Variants in PHLPP2 observed in about 807,000 individuals in gnomAD.
PHLPP2 encodes PH domain and leucine rich repeat protein phosphatase 2.
In PHLPP2, 66 loss-of-function variants were observed where a neutral mutation model predicts 124.9. That is an observed-to-expected ratio of 0.53 (90% CI 0.43 to 0.65). The LOEUF is 0.65. PHLPP2 is among the 30% of genes least tolerant of loss of function. The pLI, the probability that PHLPP2 is intolerant of heterozygous loss-of-function variation, is 0.00. For synonymous variants in PHLPP2, 681 were observed against 624.7 expected (o/e 1.09, Z -1.34); for missense variants, 1,685 against 1,600.4 (o/e 1.05, Z -0.90).
intron 17 of PHLPP2, among the ~76,000 whole-genome samples, chr16:71,653,557 C>CG: frequency 6.6e-6 from 1 of 152,294 alleles, no homozygotes; most frequent in Middle Eastern, 3.4e-3. Flanking sequence ...GGCATCCACG[C>CG]GTCTGTACTT....
intron 13 of PHLPP2, among the ~76,000 whole-genome samples, chr16:71,662,791 G>C (rs1212497234): frequency 6.6e-6 from 1 of 151,802 alleles, no homozygotes; most frequent in East Asian, 2.0e-4. Flanking sequence ...GAGAGGCTGA[G>C]GTAGGAGAAT....
chr16:71,714,535 T>C lies in PHLPP2; in HGVS notation c.261A>G (p.Leu87=). ...CAGEGRESLY[L]QLHGDLVRRL... is the part of the protein sequence containing the mutation. ...ACCTGACCAGGTCTCCATGAAGCTGTAAATAAAGACTTTCTCTTCCCTCTC... is the reference window on the plus strand; with the variant it reads ...ACCTGACCAGGTCTCCATGAAGCTGCAAATAAAGACTTTCTCTTCCCTCTC... The change falls in exon 2 of 19, where the codon TTA becomes TTG. Residue 87 remains leucine (L), a synonymous_variant. Coordinates refer to ENST00000568954, the MANE Select transcript of PHLPP2 (RefSeq NM_015020.3). 1 of 1,612,432 alleles carries C rather than the reference T, an allele frequency of 6.2e-7. No homozygotes were observed. The highest frequency in any genetic ancestry group is 2.2e-5 in the East Asian group (1 of 44,856).
At chr16:71,722,839 T>G (rs567602896) in intron 1 of PHLPP2, among the ~76,000 whole-genome samples, 1 of 152,122 alleles carries the variant, frequency 6.6e-6, no homozygotes, top group South Asian at 2.1e-4. Context: ...CAAATGCTAG[T>G]AAAAAACTCC....
intron 13 of PHLPP2, among the ~76,000 whole-genome samples, chr16:71,662,936 T>C (rs532092676): frequency 6.6e-6 from 1 of 152,258 alleles, no homozygotes; most frequent in Admixed American, 6.5e-5. Context: ...TGACACTGTC[T>C]CAAACTTTCA....
At chr16:71,705,734 AC>A (rs1193717220) in intron 2 of PHLPP2, among the ~76,000 whole-genome samples, 1 of 151,664 alleles carries the variant, frequency 6.6e-6, no homozygotes, top group African/African-American at 2.4e-5. Flanking sequence ...CTGCTCTCAA[AC>A]CCCTGACCTC....
intron 1 of PHLPP2, among the ~76,000 whole-genome samples, chr16:71,717,921 T>C (rs886511334): frequency 2.1e-4 from 32 of 152,292 alleles, no homozygotes; most frequent in African/African-American, 7.0e-4. Flanking sequence ...AGACACGATC[T>C]CGCTCTGTCA....
At chr16:71,686,388 G>A (rs1213599417) in intron 4 of PHLPP2, among the ~76,000 whole-genome samples, 1 of 151,968 alleles carries the variant, frequency 6.6e-6, no homozygotes, top group Non-Finnish European at 1.5e-5. Flanking sequence ...TGCCCAGGCT[G>A]GTCTTGAACT....
At chr16:71,698,874 T>A (rs1479620209) in intron 3 of PHLPP2, among the ~76,000 whole-genome samples, 1 of 152,210 alleles carries the variant, frequency 6.6e-6, no homozygotes, top group Non-Finnish European at 1.5e-5. Context: ...GGCATTTGCA[T>A]AATGGCTGAC....
chr16:71,654,641 C>T (rs72799868), intron 17 of PHLPP2, among the ~76,000 whole-genome samples: 15,504 of 152,164 alleles, frequency 0.1, 1,181 homozygotes, highest in South Asian at 0.37. Context: ...GCACACTTAA[C>T]GTAGGCTAGG....
rs371346085 is a variant in PHLPP2 at position 71,684,585 on chromosome 16, C to A, written c.626G>T (p.Arg209Leu). The A allele has an allele frequency of 6.2e-7, 1 of 1,612,630 alleles. No homozygotes were observed. The highest frequency in any genetic ancestry group is 1.3e-5 in the African/African-American group (1 of 74,764). Reference protein sequence around the residue: ...LVGGKIEEVKRRQYSLAFSSA... With the variant: ...LVGGKIEEVKLRQYSLAFSSA... ...GCTGAAAGCAAGGGAGTATTGCCGT[C>A]GCTTCACTTCTTCTATCTGAAGAAG... Residue 209 changes from arginine to leucine, a missense_variant, in exon 5 of 19, where the codon CGA becomes CTA. Coordinates refer to ENST00000568954, the MANE Select transcript of PHLPP2 (RefSeq NM_015020.3).
chr16:71,648,934 C>T lies in PHLPP2; in HGVS notation c.3928G>A (p.Glu1310Lys). ...TCCTCCGGGGGCTCGGTCCGATCCT[C>T]TTCATGGGGCTCAGGCTCGAGCCGG... ...DSRLEPEPHE[E>K]DRTEPPEEFD... is the part of the protein sequence containing the mutation. The change falls in exon 19 of 19, where the codon GAG (glutamate) becomes AAG (lysine). Residue 1310 changes from glutamate (E) to lysine (K), a missense_variant. Physicochemically the swap from Glu to Lys is moderately conservative, Grantham distance 56. Coordinates refer to ENST00000568954, the MANE Select transcript of PHLPP2 (RefSeq NM_015020.3). 1 of 1,613,480 alleles carries T rather than the reference C, an allele frequency of 6.2e-7. No homozygotes were observed. Among genetic ancestry groups the T allele is most frequent in the African/African-American group, 1.3e-5 (1 of 75,034 alleles).
intron 13 of PHLPP2, among the ~76,000 whole-genome samples, chr16:71,663,150 C>T (rs1466414862): frequency 1.3e-5 from 2 of 152,158 alleles, no homozygotes; most frequent in Non-Finnish European, 1.5e-5. Flanking sequence ...CTCACTCTGT[C>T]GCCCAGGCTG....
chr16:71,675,464 A>C (rs1267431401), intron 9 of PHLPP2, among the ~76,000 whole-genome samples: 1 of 152,218 alleles, frequency 6.6e-6, no homozygotes, highest in African/African-American at 2.4e-5. Context: ...TTCTCATTCT[A>C]GCACTGAGGC....
intron 12 of PHLPP2, among the ~76,000 whole-genome samples, chr16:71,665,303 C>T (rs1334051293): frequency 2.6e-5 from 4 of 151,946 alleles, no homozygotes; most frequent in African/African-American, 4.8e-5. Context: ...AGCTAGACTG[C>T]ATTTCAAAAA....
intron 18 of PHLPP2, among the ~76,000 whole-genome samples, chr16:71,652,477 A>G (rs1453472555): frequency 6.6e-6 from 1 of 152,262 alleles, no homozygotes; most frequent in Non-Finnish European, 1.5e-5. Flanking sequence ...TCTATTTGGA[A>G]TAACAAACCA....
intron 4 of PHLPP2, among the ~76,000 whole-genome samples, chr16:71,685,635 T>C (rs2045048097): frequency 6.6e-6 from 1 of 152,236 alleles, no homozygotes; most frequent in East Asian, 1.9e-4. Flanking sequence ...TAGTAACAAA[T>C]CATTGCAACT....
At position 71,707,167 on chromosome 16, in the gene PHLPP2, G is replaced by T. The variant is rs55829133; in HGVS notation, c.285-4436C>A. The stretch of plus-strand genomic sequence containing the variant: ...AGACGGGGTTTCACCGTGTTAGCCA[G>T]GATGGTCTCGATCTCCTGACCTCGT... On this transcript the variant is annotated intron_variant, in intron 2 of 18. Coordinates refer to ENST00000568954, the MANE Select transcript of PHLPP2 (RefSeq NM_015020.3). Among the ~76,000 whole-genome samples, 142 of 151,744 alleles carry T rather than the reference G, an allele frequency of 9.4e-4. 1 individual carries two copies. Among genetic ancestry groups the T allele is most frequent in the African/African-American group, 3.1e-3 (129 of 41,386 alleles).
At chr16:71,660,922 A>C (rs1455493039) in intron 13 of PHLPP2, among the ~76,000 whole-genome samples, 1 of 152,130 alleles carries the variant, frequency 6.6e-6, no homozygotes, top group Admixed American at 6.6e-5. Context: ...CAATTACAAC[A>C]CTGCTCAGGA....
At chr16:71,705,073 T>C (rs182674787) in intron 2 of PHLPP2, among the ~76,000 whole-genome samples, 195 of 152,252 alleles carry the variant, frequency 1.3e-3, no homozygotes, top group African/African-American at 4.3e-3. Flanking sequence ...TTTTAACCAT[T>C]AGAGATGCTC....
Sources: allele counts gnomAD v4.1 joint callset (sites outside exome capture counted in the v4.1 genomes callset), GRCh38; gene constraint gnomAD v4.1.1; transcripts MANE v1.5; gene names NCBI Gene and HGNC (gene_info 2026-07-23, HGNC 2026-07-21).